FBXL7: variants seen among roughly 807,000 people sequenced by gnomAD.
The protein encoded by FBXL7 is F-box and leucine rich repeat protein 7.
Under a neutral mutation model 38.3 loss-of-function variants are expected in FBXL7, and 12 were observed. The ratio of observed to expected loss-of-function variants is 0.31; its 90% CI spans 0.20 to 0.51. FBXL7 has a LOEUF of 0.51. Ranked by LOEUF, FBXL7 falls within the 20% of genes least tolerant of loss-of-function variation. The pLI is 0.98. For missense variants in FBXL7, 567 were observed against 676.4 expected, an observed-to-expected ratio of 0.84 and a Z score of 1.79; for synonymous variants, 297 against 300.9, an observed-to-expected ratio of 0.99 and a Z score of 0.13.
intron 2 of FBXL7, among the ~76,000 whole-genome samples, chr5:15,904,651 G>T (rs574303550): frequency 6.6e-6 from 1 of 152,088 alleles, no homozygotes; most frequent in East Asian, 1.9e-4. Flanking sequence ...ATTAATCTTT[G>T]TCAAGATGTT....
intron 1 of FBXL7, among the ~76,000 whole-genome samples, chr5:15,506,119 T>C (rs1016188348): frequency 1.3e-5 from 2 of 152,176 alleles, no homozygotes; most frequent in African/African-American, 2.4e-5. Context: ...CAATTTTTTT[T>C]TTTTCCTGAA....
In FBXL7 at chr5:15,632,311, ATTC is replaced by A. The variant is rs780367699; in HGVS notation, c.127+16245_127+16247del. The stretch of plus-strand genomic sequence containing the variant: ...TTTTATTTTTTTTATTTATGAATAT[ATTC>A]TTCTTATTTTTATAACAAAAAGACA... On this transcript the variant is annotated intron_variant, in intron 2 of 3. Transcript: ENST00000504595. Among the ~76,000 whole-genome samples, 43 of 152,300 alleles carry A rather than the reference ATTC, an allele frequency of 2.8e-4. No individual in the cohort carries two copies. The East Asian group carries it at 7.5e-3, about 27-fold the overall frequency.
intron 2 of FBXL7, among the ~76,000 whole-genome samples, chr5:15,903,540 G>T (rs950686964): frequency 6.6e-6 from 1 of 152,102 alleles, no homozygotes; most frequent in East Asian, 1.9e-4. Context: ...TATGCTTTTA[G>T]TTCTTAATTT....
At chr5:15,734,451 C>G (rs1213169163) in intron 2 of FBXL7, among the ~76,000 whole-genome samples, 1 of 152,180 alleles carries the variant, frequency 6.6e-6, no homozygotes, top group African/African-American at 2.4e-5. Context: ...CTCTTCTGAA[C>G]AATGTGGATT....
At chr5:15,531,244 A>G (rs1231529557) in intron 1 of FBXL7, among the ~76,000 whole-genome samples, 1 of 152,212 alleles carries the variant, frequency 6.6e-6, no homozygotes, top group Non-Finnish European at 1.5e-5. Flanking sequence ...AATAGATTAA[A>G]ATGAATAAAC....
At chr5:15,789,517 A>G (rs1737219825) in intron 2 of FBXL7, among the ~76,000 whole-genome samples, 1 of 152,174 alleles carries the variant, frequency 6.6e-6, no homozygotes, top group Non-Finnish European at 1.5e-5. Context: ...GCAGCGTTCA[A>G]GGCAGTCACC....
At chr5:15,588,562 T>C (rs560510780) in intron 1 of FBXL7, among the ~76,000 whole-genome samples, 14 of 152,166 alleles carry the variant, frequency 9.2e-5, no homozygotes, top group Admixed American at 9.2e-4. Flanking sequence ...AATTTTTGTA[T>C]TTTTAGTAGA....
chr5:15,670,203 A>G (rs544699656), intron 2 of FBXL7, among the ~76,000 whole-genome samples: 3 of 152,362 alleles, frequency 2.0e-5, no homozygotes, highest in Admixed American at 1.3e-4. Context: ...GAAAAAGTCT[A>G]TCTTAAGAGC....
Position 15,937,974 on chromosome 5 carries a change from TCC to T in FBXL7, c.*789_*790del, listed in dbSNP as rs1742247346. On this transcript the variant is annotated 3_prime_UTR_variant, in exon 4 of 4. Coordinates refer to ENST00000504595, the MANE Select transcript of FBXL7 (RefSeq NM_012304.5). The stretch of plus-strand genomic sequence containing the variant: ...ATAGAGCACCCAGGCATCGACCTCT[TCC>T]AGGAGAACTGATTCTGTGGATGGAT... 6.6e-6 allele frequency: 1 copy of T among 152,264 alleles called. No individual in the cohort carries two copies. Among genetic ancestry groups the T allele is most frequent in the Non-Finnish European group, 1.5e-5 (1 of 68,144 alleles). The allele number at this position is 152,264 out of a possible 1,614,324, so 9.4% of individuals were successfully genotyped here. A position where few individuals can be genotyped will look rare whatever the true frequency, so the allele number is the denominator to read the frequency against.
intron 2 of FBXL7, among the ~76,000 whole-genome samples, chr5:15,887,497 G>C (rs1388360598): frequency 6.6e-6 from 1 of 152,240 alleles, no homozygotes; most frequent in Non-Finnish European, 1.5e-5. Context: ...ATTTAAGTCT[G>C]AGAAAGCACC....
At chr5:15,520,144 A>G (rs918193921) in intron 1 of FBXL7, among the ~76,000 whole-genome samples, 1 of 151,938 alleles carries the variant, frequency 6.6e-6, no homozygotes, top group African/African-American at 2.4e-5. Flanking sequence ...ACCAGAGGTC[A>G]CTCTTGTGGC....
chr5:15,619,879 TG>T (rs1740569728), intron 2 of FBXL7, among the ~76,000 whole-genome samples: 1 of 152,214 alleles, frequency 6.6e-6, no homozygotes, highest in East Asian at 1.9e-4. Flanking sequence ...CATTTGTGTC[TG>T]ACATCTACAT....
At chr5:15,921,074 C>G (rs757038646) in intron 2 of FBXL7, among the ~76,000 whole-genome samples, 29 of 151,846 alleles carry the variant, frequency 1.9e-4, no homozygotes, top group Admixed American at 1.9e-3. Flanking sequence ...TAATTGTTGC[C>G]TTTTTCAAGT....
At chr5:15,504,215 T>C (rs1213171265) in intron 1 of FBXL7, among the ~76,000 whole-genome samples, 2 of 152,248 alleles carry the variant, frequency 1.3e-5, no homozygotes, top group Non-Finnish European at 2.9e-5. Context: ...AGAAATTTCT[T>C]GACATTACTT....
intron 2 of FBXL7, among the ~76,000 whole-genome samples, chr5:15,863,480 C>A (rs1307863013): frequency 1.3e-5 from 2 of 152,166 alleles, no homozygotes; most frequent in African/African-American, 4.8e-5. Flanking sequence ...CATAAAATAT[C>A]TACATGGGAG....
At chr5:15,861,228 A>G (rs1257926015) in intron 2 of FBXL7, among the ~76,000 whole-genome samples, 2 of 152,218 alleles carry the variant, frequency 1.3e-5, no homozygotes, top group Non-Finnish European at 2.9e-5. Flanking sequence ...CAAGCTCCCA[A>G]GGATGGCTGC....
At chr5:15,679,357 TAATG>T (rs1327967456) in intron 2 of FBXL7, among the ~76,000 whole-genome samples, 2 of 152,232 alleles carry the variant, frequency 1.3e-5, no homozygotes, top group African/African-American at 2.4e-5. Flanking sequence ...GAATGGGCTT[TAATG>T]AATCGTGCTT....
intron 2 of FBXL7, among the ~76,000 whole-genome samples, chr5:15,631,667 CAAAAAAAAAAAA>C (rs754975686): frequency 6.8e-5 from 3 of 43,892 alleles, no homozygotes; most frequent in African/African-American, 8.8e-5. Flanking sequence ...AGCGAGACTC[CAAAAAAAAAAAA>C]AAAAAAAAAA....
At chr5:15,585,069 T>C (rs1739263874) in intron 1 of FBXL7, among the ~76,000 whole-genome samples, 1 of 152,230 alleles carries the variant, frequency 6.6e-6, no homozygotes, top group Non-Finnish European at 1.5e-5. Flanking sequence ...TAATTAATTA[T>C]TAAGAATTAA....
Sources: allele counts gnomAD v4.1 joint callset (sites outside exome capture counted in the v4.1 genomes callset), GRCh38; gene constraint gnomAD v4.1.1; transcripts MANE v1.5; gene names NCBI Gene and HGNC (gene_info 2026-07-23, HGNC 2026-07-21).